The following ADAR variants were observed in gnomAD, a reference collection of about 807,000 sequenced individuals.
ADAR encodes adenosine deaminase RNA specific, also known as double-stranded RNA-specific adenosine deaminase.
Under a neutral mutation model 113.2 loss-of-function variants are expected in ADAR, and 41 were observed. The observed-to-expected ratio is 0.36, with a 90% CI of 0.28 to 0.47. The LOEUF (loss-of-function observed/expected upper bound fraction) is 0.47. Among genes scored for constraint, ADAR ranks in the 20% least tolerant of loss-of-function variants. ADAR has a pLI of 1.00. For synonymous variants in ADAR, 605 were observed against 572.6 expected (o/e 1.06, Z -0.81); for missense variants, 1,242 against 1,540.9 (o/e 0.81, Z 3.25).
chr1:154,625,234 T>C (rs979693526), intron 1 of ADAR, among the ~76,000 whole-genome samples: 2 of 152,178 alleles, frequency 1.3e-5, no homozygotes, highest in African/African-American at 4.8e-5. Flanking sequence ...CCTGGCCCAC[T>C]AAACTCTGTC....
intron 1 of ADAR, among the ~76,000 whole-genome samples, chr1:154,613,670 C>T (rs912124421): frequency 6.6e-6 from 1 of 151,984 alleles, no homozygotes; most frequent in Non-Finnish European, 1.5e-5. Flanking sequence ...TTTGGGACAC[C>T]GAGGTGGGTG....
upstream of ADAR, among the ~76,000 whole-genome samples, chr1:154,609,982 A>G (rs934729455): frequency 5.9e-5 from 9 of 152,234 alleles, no homozygotes; most frequent in African/African-American, 9.6e-5. Flanking sequence ...AGTTGAAAGA[A>G]TAACAGACCC....
chr1:154,620,357 G>A (rs1192907948), intron 1 of ADAR, among the ~76,000 whole-genome samples: 1 of 151,826 alleles, frequency 6.6e-6, no homozygotes, highest in African/African-American at 2.4e-5. Flanking sequence ...AGGGAGCCAA[G>A]ATCGTGCCAC....
At chr1:154,594,238 A>T (rs1204106470) in intron 6 of ADAR, among the ~76,000 whole-genome samples, 3 of 152,188 alleles carry the variant, frequency 2.0e-5, no homozygotes, top group African/African-American at 7.2e-5. Flanking sequence ...CATTTTTATA[A>T]GCTTTTTTCC....
In ADAR at chr1:154,588,257, T is replaced by C; in HGVS notation, c.2887A>G (p.Thr963Ala). Residue 963 changes from threonine (T) to alanine (A), a missense_variant and splice_region_variant, in exon 11 of 15, where the codon ACT (threonine) becomes GCT (alanine). Thr to Ala is a moderately conservative substitution (Grantham distance 58, BLOSUM62 0). Coordinates refer to ENST00000368474, the MANE Select transcript of ADAR (RefSeq NM_001111.5). Reference protein sequence around the residue: ...KTVSFHLYISTAPCGDGALFD... With the variant: ...KTVSFHLYISAAPCGDGALFD... ...AGGGCGCCATCTCCACACGGAGCAG[T>C]GCTGAAAAACAGGGGTGGCTGTTAA... 6.2e-7 allele frequency: 1 copy of C among 1,614,134 alleles called. No homozygotes were observed. Among genetic ancestry groups the C allele is most frequent in the Non-Finnish European group, 8.5e-7 (1 of 1,180,040 alleles).
Position 154,597,905 on chromosome 1 carries a change from C to T in ADAR, c.1857G>A (p.Leu619=). The change falls in exon 4 of 15, where the codon CTG becomes CTA. Residue 619 remains leucine, a synonymous_variant. Coordinates refer to ENST00000368474, the MANE Select transcript of ADAR (RefSeq NM_001111.5). The part of the protein sequence containing the change: ...FFSGKSPVTT[L]LECMHKLGNS... ...TCCCCAATTTGTGCATACACTCAAGCAGTGTGGTGACGGGGCTCTTCCCAG... is the reference window on the plus strand; with the variant it reads ...TCCCCAATTTGTGCATACACTCAAGTAGTGTGGTGACGGGGCTCTTCCCAG... 1.2e-6 allele frequency: 2 copies of T among 1,614,154 alleles called. No individual in the cohort carries two copies. Among genetic ancestry groups the T allele is most frequent in the South Asian group, 1.1e-5 (1 of 91,084 alleles).
At chr1:154,611,131 T>C (rs115502917), upstream of ADAR, among the ~76,000 whole-genome samples, 73 of 152,322 alleles carry the variant, frequency 4.8e-4, 1 homozygote, top group African/African-American at 1.7e-3. Flanking sequence ...ACAGGAGTTA[T>C]ATCTTACCTC....
In ADAR at chr1:154,597,829, T is replaced by G; in HGVS notation, c.1933A>C (p.Lys645Gln). ...GGACAGAGGACACGTAGGACATACT[T>G]GGGTTCATGGGCAGGGCCTTCTTTG... ...LSKEGPAHEPKFQYCVAVGAQ... is the reference protein window; with the variant it reads ...LSKEGPAHEPQFQYCVAVGAQ... Residue 645 changes from lysine (K) to glutamine (Q), a missense_variant and splice_region_variant, in exon 4 of 15, where the codon AAG becomes CAG. Physicochemically the swap from Lys to Gln is moderately conservative, Grantham distance 53 (BLOSUM62 1). This residue lies in a region of ADAR where 780 missense variants were observed against 1,057.9 expected (regional missense o/e 0.74). Coordinates refer to ENST00000368474, the MANE Select transcript of ADAR (RefSeq NM_001111.5). 6.2e-7 allele frequency: 1 copy of G among 1,614,026 alleles called. No homozygotes were observed. The highest frequency in any genetic ancestry group is 8.5e-7 in the Non-Finnish European group (1 of 1,180,000).
exon 1 of ADAR, chr1:154,627,913 G>GCCCCCCCCCCCCCCCCCCCCC: frequency 3.9e-6 from 2 of 517,176 alleles, no homozygotes; most frequent in Non-Finnish European, 3.9e-6. Flanking sequence ...GTGCGGCCGC[G>GCCCCCCCCCCCCCCCCCCCCC]ACCCTCCCCC....
In ADAR at chr1:154,597,229, G is replaced by T. The variant is rs1462256669; in HGVS notation, c.1973C>A (p.Pro658His). ...TTTCTTGCTGGGAGCACTCACACTGGGGAAAGTTTGGGCTCCCACTGCAAC... is the reference window on the plus strand; with the variant it reads ...TTTCTTGCTGGGAGCACTCACACTGTGGAAAGTTTGGGCTCCCACTGCAAC... Reference protein sequence around the residue: ...YCVAVGAQTFPSVSAPSKKVA... With the variant: ...YCVAVGAQTFHSVSAPSKKVA... Residue 658 changes from proline to histidine, a missense_variant, in exon 5 of 15, where the codon CCC becomes CAC. Physicochemically the swap from Pro to His is moderately conservative, Grantham distance 77. Around this residue, in one of 2 missense-constraint regions of ADAR, gnomAD observed 780 missense variants for 1,057.9 expected, o/e 0.74. Transcript: ENST00000368474. 1.2e-6 allele frequency: 2 copies of T among 1,614,160 alleles called. No homozygotes were observed. The highest frequency in any genetic ancestry group is 2.2e-5 in the South Asian group (2 of 91,080).
chr1:154,593,890 GT>G (rs35428129), intron 6 of ADAR, among the ~76,000 whole-genome samples: 17 of 146,806 alleles, frequency 1.2e-4, no homozygotes, highest in African/African-American at 2.5e-4. Context: ...TGATTTTTTT[GT>G]TTTTTTTTTT....
chr1:154,596,629 C>A (rs565236735), intron 6 of ADAR, among the ~76,000 whole-genome samples, 176 bp downstream of exon 6: 7 of 152,242 alleles, frequency 4.6e-5, no homozygotes, highest in African/African-American at 1.7e-4. Context: ...GAAGAGTGAA[C>A]GCATTCACTC....
intron 2 of ADAR, among the ~76,000 whole-genome samples, chr1:154,599,035 C>T (rs189677027): frequency 1.3e-5 from 2 of 152,206 alleles, no homozygotes; most frequent in African/African-American, 4.8e-5. Flanking sequence ...GTCTCACACT[C>T]CCCACTACCT....
Position 154,602,354 on chromosome 1 carries a change from G to A in ADAR, c.288C>T (p.Gly96=), listed in dbSNP as rs779403614. 19 of 1,605,990 alleles carry A rather than the reference G, an allele frequency of 1.2e-5. No homozygotes were observed. Among genetic ancestry groups the A allele is most frequent in the Admixed American group, 5.1e-5 (3 of 59,310 alleles). Residue 96 remains glycine (G), a synonymous_variant, in exon 2 of 15, where the codon GGC becomes GGT. Transcript: ENST00000368474. ...GGAGCCCCTGACTTCTGAGATGCAC[G>A]CCCCTGGGGACACCCCTGATGTCCA... ...RQVDIRGVPR[G]VHLRSQGLQR...
chr1:154,601,538 A>G lies in ADAR; in HGVS notation c.1104T>C (p.Asn368=), dbSNP rs773190680. 1 of 1,613,168 alleles carries G rather than the reference A, an allele frequency of 6.2e-7. No homozygotes were observed. Among genetic ancestry groups the G allele is most frequent in the East Asian group, 2.2e-5 (1 of 44,882 alleles). ...KKRERMQIKR[N]TNSVPETAPA... ...GAGCGGTTTCAGGAACACTGTTCGT[A>G]TTTCTCTTGATTTGCATCCTCTCTC... Residue 368 remains asparagine, a synonymous_variant, in exon 2 of 15, where the codon AAT becomes AAC. Coordinates refer to ENST00000368474, the MANE Select transcript of ADAR (RefSeq NM_001111.5). The surrounding 1 kb of genome is among the most constrained non-coding windows in gnomAD (Gnocchi z 4.7).
At chr1:154,623,172 T>C (rs1331555016) in intron 1 of ADAR, among the ~76,000 whole-genome samples, 1 of 152,180 alleles carries the variant, frequency 6.6e-6, no homozygotes, top group African/African-American at 2.4e-5. Context: ...CAGGTGTTTA[T>C]GGGAGCAGAG....
At chr1:154,594,528 A>G (rs925152869) in intron 6 of ADAR, among the ~76,000 whole-genome samples, 2 of 152,230 alleles carry the variant, frequency 1.3e-5, no homozygotes, top group Non-Finnish European at 2.9e-5. Flanking sequence ...TATGACCACC[A>G]ATATCTGACT....
chr1:154,597,760 A>C (rs1697597775), intron 4 of ADAR, 68 bp downstream of exon 4: 1 of 1,601,692 alleles, frequency 6.2e-7, no homozygotes, highest in Admixed American at 1.7e-5. Flanking sequence ...TGAGGAGGCA[A>C]GGAAGAAAAT....
At chr1:154,587,322 C>A (rs1190169390) in intron 11 of ADAR, among the ~76,000 whole-genome samples, 6 of 151,728 alleles carry the variant, frequency 4.0e-5, no homozygotes, top group Non-Finnish European at 7.4e-5. Flanking sequence ...TGTATCAGCA[C>A]TTCACTTCTT....
Sources: gnomAD v4.1 joint callset for allele counts (sites outside exome capture counted in the v4.1 genomes callset) on GRCh38, gnomAD v4.1.1 for gene constraint, gnomAD v4.1.1 regional missense constraint, Gnocchi (gnomAD v3.1) non-coding constraint, MANE v1.5 for transcripts, NCBI Gene and HGNC (gene_info 2026-07-23, HGNC 2026-07-21) for gene names.